Variants in THSD7B observed in about 807,000 individuals in gnomAD.
The protein encoded by THSD7B is thrombospondin type-1 domain-containing protein 7B.
Under a neutral mutation model 213.6 loss-of-function variants are expected in THSD7B, and 138 were observed. That is an observed-to-expected ratio of 0.65 (90% CI 0.56 to 0.74). The LOEUF (loss-of-function observed/expected upper bound fraction) is 0.74. Among genes scored for constraint, THSD7B ranks in the 30% least tolerant of loss-of-function variants. The pLI, the probability that THSD7B is intolerant of heterozygous loss-of-function variation, is 0.00. For synonymous variants in THSD7B, 742 were observed against 687.0 expected, an observed-to-expected ratio of 1.08 and a Z score of -1.25; for missense variants, 1,931 against 1,991.5, an observed-to-expected ratio of 0.97 and a Z score of 0.58.
intron 1 of THSD7B, among the ~76,000 whole-genome samples, chr2:136,776,842 G>T (rs1005932250): frequency 6.6e-6 from 1 of 152,048 alleles, no homozygotes; most frequent in Non-Finnish European, 1.5e-5. Context: ...GCACACACTT[G>T]TGCGCTCACA....
At chr2:136,781,972 T>A (rs1210268634) in intron 1 of THSD7B, among the ~76,000 whole-genome samples, 1 of 152,152 alleles carries the variant, frequency 6.6e-6, no homozygotes, top group Non-Finnish European at 1.5e-5. Flanking sequence ...TCCACAGGGC[T>A]TGTGGGAAAA....
intron 1 of THSD7B, among the ~76,000 whole-genome samples, chr2:136,832,503 C>T (rs1682773780): frequency 6.6e-6 from 1 of 152,128 alleles, no homozygotes; most frequent in Non-Finnish European, 1.5e-5. Flanking sequence ...ATTGCAGAAG[C>T]CTATCTACTT....
chr2:137,622,271 T>A (rs1279488941), intron 20 of THSD7B, among the ~76,000 whole-genome samples: 2 of 152,192 alleles, frequency 1.3e-5, no homozygotes, highest in African/African-American at 4.8e-5. Flanking sequence ...TCTTAACTTG[T>A]TTCAGTAACA....
intron 2 of THSD7B, among the ~76,000 whole-genome samples, chr2:137,017,561 G>T (rs1686365363): frequency 6.6e-6 from 1 of 152,060 alleles, no homozygotes; most frequent in South Asian, 2.1e-4. Flanking sequence ...GATGATATTT[G>T]GGTTGGAAAT....
At chr2:136,807,508 C>CTTTTTTTTTTTTTTTTTT (rs1314267493) in intron 1 of THSD7B, among the ~76,000 whole-genome samples, 1 of 49,572 alleles carries the variant, frequency 2.0e-5, no homozygotes, top group African/African-American at 8.4e-5. Context: ...CAAAATGTTT[C>CTTTTTTTTTTTTTTTTTT]GTTTTTTTTT....
chr2:137,346,478 T>TTCTC (rs139028202), intron 12 of THSD7B, among the ~76,000 whole-genome samples: 22 of 147,644 alleles, frequency 1.5e-4, no homozygotes, highest in Non-Finnish European at 2.1e-4. Flanking sequence ...TAATATTCCA[T>TTCTC]TCTCTCTCTC....
chr2:137,123,559 C>T (rs1305975183), intron 5 of THSD7B, among the ~76,000 whole-genome samples: 1 of 152,126 alleles, frequency 6.6e-6, no homozygotes, highest in Non-Finnish European at 1.5e-5. Context: ...GGCCTGGAAC[C>T]TCCTGAGTAA....
At chr2:137,071,464 G>A (rs551179026) in intron 3 of THSD7B, among the ~76,000 whole-genome samples, 2 of 152,130 alleles carry the variant, frequency 1.3e-5, no homozygotes, top group East Asian at 1.9e-4. Flanking sequence ...TTAGCCCTTT[G>A]TCAGATGAGT....
chr2:137,071,388 A>G (rs1347848597), intron 3 of THSD7B, among the ~76,000 whole-genome samples: 1 of 152,008 alleles, frequency 6.6e-6, no homozygotes, highest in Non-Finnish European at 1.5e-5. Flanking sequence ...TCCTTTGCCC[A>G]CTTTTTGATG....
At chr2:137,460,423 T>G (rs1397790998) in intron 15 of THSD7B, among the ~76,000 whole-genome samples, 1 of 152,126 alleles carries the variant, frequency 6.6e-6, no homozygotes, top group Non-Finnish European at 1.5e-5. Flanking sequence ...CACATCAGTT[T>G]ACTTGTATTT....
At chr2:137,616,126 T>G (rs1341675880) in intron 17 of THSD7B, 49 bp from the exon 18 acceptor site, 1 of 1,594,658 alleles carries the variant, frequency 6.3e-7, no homozygotes, top group African/African-American at 1.4e-5. Context: ...TTATATAATT[T>G]ATCAAATAAC....
intron 15 of THSD7B, among the ~76,000 whole-genome samples, chr2:137,474,175 C>T (rs943432318): frequency 1.3e-5 from 2 of 152,164 alleles, no homozygotes; most frequent in Non-Finnish European, 2.9e-5. Context: ...TTTATAATTC[C>T]TCTATGTAAA....
chr2:137,438,309 A>T (rs1290052913), intron 14 of THSD7B, among the ~76,000 whole-genome samples: 1 of 152,074 alleles, frequency 6.6e-6, no homozygotes, highest in Admixed American at 6.6e-5. Context: ...AGAAACAGCA[A>T]ATTTTCACCT....
At chr2:136,910,422 A>C (rs1260988403) in intron 2 of THSD7B, among the ~76,000 whole-genome samples, 1 of 152,204 alleles carries the variant, frequency 6.6e-6, no homozygotes, top group Non-Finnish European at 1.5e-5. Flanking sequence ...TAATGATACC[A>C]ATATATAGTC....
intron 2 of THSD7B, among the ~76,000 whole-genome samples, chr2:137,010,454 G>T (rs527850324): frequency 2.0e-5 from 3 of 151,956 alleles, no homozygotes; most frequent in African/African-American, 7.3e-5. Flanking sequence ...CCCCTGACAC[G>T]GTTATGGGTC....
At chr2:137,457,477 A>T (rs538539174) in intron 15 of THSD7B, among the ~76,000 whole-genome samples, 2 of 152,180 alleles carry the variant, frequency 1.3e-5, no homozygotes. Flanking sequence ...TAATTTTGCC[A>T]TTGGGAGTCT....
At chr2:137,607,983 A>G (rs1394894243) in intron 17 of THSD7B, among the ~76,000 whole-genome samples, 1 of 152,204 alleles carries the variant, frequency 6.6e-6, no homozygotes, top group East Asian at 1.9e-4. Context: ...TAGGCCAGCA[A>G]AGTCTTACCA....
At chr2:137,567,054 C>T (rs7563128) in intron 16 of THSD7B, among the ~76,000 whole-genome samples, 40,561 of 151,860 alleles carry the variant, frequency 0.27, 5,499 homozygotes, top group Middle Eastern at 0.36. Context: ...GTGTCAGTAC[C>T]CAAACAAGAT....
chr2:137,268,202 A>C (rs1408378572), intron 10 of THSD7B, among the ~76,000 whole-genome samples: 1 of 151,990 alleles, frequency 6.6e-6, no homozygotes, highest in Non-Finnish European at 1.5e-5. Context: ...TGTGCACAAC[A>C]TGCAGGTTTG....
Sources: gnomAD v4.1 joint callset for allele counts (sites outside exome capture counted in the v4.1 genomes callset) on GRCh38, gnomAD v4.1.1 for gene constraint, MANE v1.5 for transcripts, NCBI Gene and HGNC (gene_info 2026-07-23, HGNC 2026-07-21) for gene names.